EPHB1: variants seen among roughly 807,000 people sequenced by gnomAD.
The protein encoded by EPHB1 is EPH receptor B1.
In EPHB1, 30 loss-of-function variants were observed where a neutral mutation model predicts 94.4. That is an observed-to-expected ratio of 0.32 (90% CI 0.24 to 0.43). The LOEUF (loss-of-function observed/expected upper bound fraction) is 0.43. EPHB1 is among the 20% of genes least tolerant of loss of function. The pLI is 1.00. For missense variants in EPHB1, 1,055 were observed against 1,308.3 expected (o/e 0.81, Z 2.99); for synonymous variants, 522 against 489.1 (o/e 1.07, Z -0.89).
intron 1 of EPHB1, among the ~76,000 whole-genome samples, chr3:134,833,682 C>A (rs2036619137): frequency 6.6e-6 from 1 of 152,030 alleles, no homozygotes; most frequent in Non-Finnish European, 1.5e-5. Context: ...TGGGGACTGG[C>A]CAGGCCTGAG....
intron 3 of EPHB1, among the ~76,000 whole-genome samples, chr3:135,036,943 C>T (rs1032117935): frequency 4.6e-5 from 7 of 152,062 alleles, no homozygotes; most frequent in South Asian, 2.1e-4. Flanking sequence ...TTGATTGATT[C>T]GGGCAGCCAA....
intron 3 of EPHB1, among the ~76,000 whole-genome samples, chr3:134,960,358 G>A (rs187372985): frequency 1.3e-5 from 2 of 152,040 alleles, no homozygotes; most frequent in Non-Finnish European, 2.9e-5. Context: ...GTGCAACCTT[G>A]CCTTTCCCTA....
At chr3:135,164,826 A>G (rs1349612173) in intron 7 of EPHB1, among the ~76,000 whole-genome samples, 1 of 151,866 alleles carries the variant, frequency 6.6e-6, no homozygotes, top group East Asian at 1.9e-4. Context: ...AAAAAAAAAA[A>G]AAAGAAGTAT....
chr3:135,075,261 C>A (rs1193929600), intron 3 of EPHB1, among the ~76,000 whole-genome samples: 1 of 152,154 alleles, frequency 6.6e-6, no homozygotes, highest in Non-Finnish European at 1.5e-5. Flanking sequence ...AGCTGCCCTG[C>A]CCATCTGAGA....
chr3:134,905,279 G>A (rs1028892500), intron 1 of EPHB1, among the ~76,000 whole-genome samples: 21 of 152,212 alleles, frequency 1.4e-4, no homozygotes, highest in Non-Finnish European at 2.4e-4. Flanking sequence ...GGCCCCAGGA[G>A]CCTCTCTCTG....
chr3:135,105,385 T>C (rs1423166229), intron 3 of EPHB1, among the ~76,000 whole-genome samples: 1 of 152,096 alleles, frequency 6.6e-6, no homozygotes, highest in Non-Finnish European at 1.5e-5. Context: ...GACCAGTCAG[T>C]AGGTTTTACC....
intron 5 of EPHB1, among the ~76,000 whole-genome samples, chr3:135,140,450 G>A (rs1384029601): frequency 6.6e-6 from 1 of 152,244 alleles, no homozygotes; most frequent in Non-Finnish European, 1.5e-5. Context: ...GAATGAACTA[G>A]TAACTTGTTA....
chr3:134,868,771 G>A (rs969646978), intron 1 of EPHB1, among the ~76,000 whole-genome samples: 14 of 152,238 alleles, frequency 9.2e-5, no homozygotes, highest in African/African-American at 3.1e-4. Context: ...CTGACAAACA[G>A]TGAATATGAT....
intron 1 of EPHB1, among the ~76,000 whole-genome samples, chr3:134,857,544 G>T (rs921974068): frequency 2.6e-5 from 4 of 152,110 alleles, no homozygotes; most frequent in Non-Finnish European, 5.9e-5. Flanking sequence ...TTTGGCATGT[G>T]CCTCTGAGCA....
At chr3:135,201,733 T>C (rs1269697616) in intron 12 of EPHB1, 44 bp downstream of exon 12, 2 of 1,574,006 alleles carry the variant, frequency 1.3e-6, no homozygotes, top group South Asian at 2.2e-5. Flanking sequence ...TGGCATGAGT[T>C]AAAGGGGACT....
intron 3 of EPHB1, among the ~76,000 whole-genome samples, chr3:135,060,747 T>C (rs1157721889): frequency 2.0e-5 from 3 of 152,118 alleles, no homozygotes; most frequent in African/African-American, 7.2e-5. Context: ...GAGAATGGGG[T>C]ATCCATTCCC....
chr3:134,860,073 T>C (rs1225758771), intron 1 of EPHB1, among the ~76,000 whole-genome samples: 1 of 152,044 alleles, frequency 6.6e-6, no homozygotes, highest in Non-Finnish European at 1.5e-5. Flanking sequence ...CTGAAGATTG[T>C]ATATTTTTTG....
chr3:135,042,368 T>C (rs577411551), intron 3 of EPHB1, among the ~76,000 whole-genome samples: 5 of 152,360 alleles, frequency 3.3e-5, no homozygotes, highest in African/African-American at 1.2e-4. Context: ...TTCTAAAATA[T>C]GCTTTTCAGG....
intron 3 of EPHB1, among the ~76,000 whole-genome samples, chr3:135,058,261 G>A (rs1372168804): frequency 6.6e-6 from 1 of 152,206 alleles, no homozygotes; most frequent in Non-Finnish European, 1.5e-5. Flanking sequence ...GTGGCAGAGG[G>A]TGAATCAGAG....
intron 1 of EPHB1, among the ~76,000 whole-genome samples, chr3:134,893,229 T>TTTTG (rs995458605): frequency 1.3e-5 from 2 of 152,178 alleles, no homozygotes; most frequent in African/African-American, 4.8e-5. Flanking sequence ...ATAAAACCTT[T>TTTTG]TTTGTTTGTT....
At chr3:135,129,952 T>A (rs186335185) in intron 4 of EPHB1, among the ~76,000 whole-genome samples, 1 of 152,244 alleles carries the variant, frequency 6.6e-6, no homozygotes, top group Non-Finnish European at 1.5e-5. Flanking sequence ...CTGCCAGGGA[T>A]GAGATCAAGA....
chr3:135,215,510 C>G (rs1356037312), intron 12 of EPHB1, among the ~76,000 whole-genome samples: 2 of 152,202 alleles, frequency 1.3e-5, no homozygotes, highest in Admixed American at 1.3e-4. Context: ...CTATAACTTT[C>G]TCACTTTCCA....
intron 4 of EPHB1, among the ~76,000 whole-genome samples, chr3:135,127,717 C>T (rs1405951544): frequency 6.6e-6 from 1 of 152,174 alleles, no homozygotes; most frequent in Non-Finnish European, 1.5e-5. Context: ...CCCACACACC[C>T]TGTCTCACCA....
chr3:135,176,925 G>A (rs540118335), intron 9 of EPHB1, among the ~76,000 whole-genome samples: 3 of 152,066 alleles, frequency 2.0e-5, no homozygotes, highest in Admixed American at 6.6e-5. Flanking sequence ...AGTTATTTTC[G>A]AAGTAACTAA....
Sources: gnomAD v4.1 joint callset for allele counts (sites outside exome capture counted in the v4.1 genomes callset) on GRCh38, gnomAD v4.1.1 for gene constraint, MANE v1.5 for transcripts, NCBI Gene and HGNC (gene_info 2026-07-23, HGNC 2026-07-21) for gene names.